Variants in COL24A1 observed in about 807,000 individuals in gnomAD.
The protein encoded by COL24A1 is collagen type XXIV alpha 1 chain, also known as collagen alpha-1(XXIV) chain.
A neutral mutation model predicts 253.9 loss-of-function variants in COL24A1; 224 were observed. That is an observed-to-expected ratio of 0.88 (90% confidence interval 0.79 to 0.99). The LOEUF (loss-of-function observed/expected upper bound fraction) is 0.99, where lower values mean the gene tolerates loss of function less well. Among genes scored for constraint, COL24A1 ranks in the 50% least tolerant of loss-of-function variants. COL24A1 has a pLI of 0.00. For missense variants in COL24A1, 2,131 were observed against 2,068.5 expected (o/e 1.03, Z -0.59); for synonymous variants, 685 against 673.7 (o/e 1.02, Z -0.26).
intron 53 of COL24A1, among the ~76,000 whole-genome samples, chr1:85,765,879 C>G (rs1667316951): frequency 6.6e-6 from 1 of 152,152 alleles, no homozygotes; most frequent in Non-Finnish European, 1.5e-5. Context: ...CTTTGCATTA[C>G]TTACTCTGAA....
intron 43 of COL24A1, among the ~76,000 whole-genome samples, chr1:85,831,641 G>C (rs1417677605): frequency 6.6e-6 from 1 of 152,050 alleles, no homozygotes; most frequent in Non-Finnish European, 1.5e-5. Flanking sequence ...ATTAGTGGTG[G>C]GATGAGTTGA....
At position 85,839,253 on chromosome 1, in the gene COL24A1, C is replaced by T. The variant is rs577705680; in HGVS notation, c.3628-615G>A. ...AAACAACAAAATGTTTCAATTAGTA[C>T]AGTATGTTATAAATGATGCCCAAAT... On this transcript the variant is annotated intron_variant, in intron 42 of 59. Coordinates refer to ENST00000370571, the MANE Select transcript of COL24A1 (RefSeq NM_152890.7). Among the ~76,000 whole-genome samples, 134 of 152,016 alleles carry T rather than the reference C, an allele frequency of 8.8e-4. 1 individual carries two copies. The highest frequency in any genetic ancestry group is 3.4e-3 in the Middle Eastern group (1 of 290).
At chr1:86,141,174 C>T (rs892038289) in intron 2 of COL24A1, among the ~76,000 whole-genome samples, 26 of 152,128 alleles carry the variant, frequency 1.7e-4, no homozygotes, top group Admixed American at 1.6e-3. Flanking sequence ...AAAACTGAAC[C>T]TAAGGGCTTC....
chr1:85,813,584 T>C (rs1376133778), intron 47 of COL24A1, among the ~76,000 whole-genome samples: 3 of 127,400 alleles, frequency 2.4e-5, no homozygotes, highest in Non-Finnish European at 4.8e-5. Flanking sequence ...GGAGTCTCGC[T>C]CTGTCGCCCA....
chr1:86,059,692 G>T (rs1557437447), intron 8 of COL24A1, among the ~76,000 whole-genome samples: 2 of 152,162 alleles, frequency 1.3e-5, no homozygotes, highest in Admixed American at 1.3e-4. Flanking sequence ...ACATGGGTCT[G>T]ATCCAGTAAA....
chr1:86,012,953 A>ATGG (rs34650831), intron 19 of COL24A1, among the ~76,000 whole-genome samples: 51,794 of 151,704 alleles, frequency 0.34, 9,514 homozygotes, highest in Middle Eastern at 0.51. Flanking sequence ...GTCTTCAATT[A>ATGG]TGGTGGTGGT....
intron 12 of COL24A1, chr1:86,045,947 A>G: frequency 2.7e-6 from 1 of 368,096 alleles, no homozygotes; most frequent in East Asian, 7.7e-5. Context: ...ATTTAGATTC[A>G]GTGGAGCTTT....
At chr1:86,154,236 A>G (rs2085899296) in intron 1 of COL24A1, 2 of 152,068 alleles carry the variant, frequency 1.3e-5, no homozygotes, top group Non-Finnish European at 2.9e-5. Context: ...TTTTCTAGAA[A>G]CAATTTTTTC....
At chr1:85,997,961 T>A (rs932535148) in intron 19 of COL24A1, among the ~76,000 whole-genome samples, 1 of 152,110 alleles carries the variant, frequency 6.6e-6, no homozygotes, top group Non-Finnish European at 1.5e-5. Flanking sequence ...AACAGAGAAA[T>A]GCCAGGATAA....
chr1:86,119,941 A>C (rs539982210), intron 3 of COL24A1, among the ~76,000 whole-genome samples: 2 of 152,170 alleles, frequency 1.3e-5, no homozygotes, highest in South Asian at 2.1e-4. Context: ...TACCAAAACA[A>C]AGATATAGAC....
At chr1:85,865,067 G>T (rs1442852728) in intron 37 of COL24A1, among the ~76,000 whole-genome samples, 2 of 151,584 alleles carry the variant, frequency 1.3e-5, no homozygotes, top group Non-Finnish European at 1.5e-5. Flanking sequence ...CCTGGATTTG[G>T]AATTCATTAC....
chr1:86,151,280 A>G (rs192118847), intron 1 of COL24A1, among the ~76,000 whole-genome samples: 16 of 152,260 alleles, frequency 1.1e-4, no homozygotes, highest in Admixed American at 8.5e-4. Context: ...ATTAAACATG[A>G]ACAATTTTTG....
At chr1:86,020,277 A>G (rs948413184) in intron 18 of COL24A1, among the ~76,000 whole-genome samples, 1 of 152,024 alleles carries the variant, frequency 6.6e-6, no homozygotes, top group African/African-American at 2.4e-5. Flanking sequence ...CATGTTGGTC[A>G]GGGTGGTCTC....
chr1:85,732,431 G>A (rs1357924282), intron 59 of COL24A1, among the ~76,000 whole-genome samples: 5 of 151,846 alleles, frequency 3.3e-5, no homozygotes, highest in East Asian at 1.9e-4. Flanking sequence ...GGGTTTCACC[G>A]TGTTAGCCAG....
intron 22 of COL24A1, among the ~76,000 whole-genome samples, chr1:85,967,630 G>A (rs150713518): frequency 3.3e-5 from 5 of 152,244 alleles, no homozygotes; most frequent in African/African-American, 7.2e-5. Flanking sequence ...TAAGATCACT[G>A]GGGGAGAGCA....
chr1:85,775,594 ACT>A, intron 53 of COL24A1, 78 bp downstream of exon 53: 1 of 1,154,960 alleles, frequency 8.7e-7, no homozygotes, highest in East Asian at 2.4e-5. Context: ...ATAATGGATA[ACT>A]CTAACAGGGT....
chr1:86,072,087 T>G (rs114983555), intron 7 of COL24A1, among the ~76,000 whole-genome samples: 6,955 of 152,176 alleles, frequency 0.046, 332 homozygotes, highest in African/African-American at 0.12. Flanking sequence ...GGGCGGCCAT[T>G]TGGGGAGACA....
chr1:85,764,136 T>C (rs1239444033), intron 53 of COL24A1, among the ~76,000 whole-genome samples: 3 of 152,108 alleles, frequency 2.0e-5, no homozygotes, highest in African/African-American at 7.2e-5. Context: ...AGCTTCCTTT[T>C]CTCATTTATA....
At chr1:85,950,110 A>T (rs1689744687) in intron 24 of COL24A1, among the ~76,000 whole-genome samples, 1 of 152,152 alleles carries the variant, frequency 6.6e-6, no homozygotes, top group Non-Finnish European at 1.5e-5. Context: ...TTATCCCACA[A>T]AAAAAATGCT....
Sources: allele counts gnomAD v4.1 joint callset (sites outside exome capture counted in the v4.1 genomes callset), GRCh38; gene constraint gnomAD v4.1.1; transcripts MANE v1.5; gene names NCBI Gene and HGNC (gene_info 2026-07-23, HGNC 2026-07-21).